The following MAP2K4 variants were observed in gnomAD, a reference collection of about 807,000 sequenced individuals.
The protein encoded by MAP2K4 is dual specificity mitogen-activated protein kinase kinase 4.
MAP2K4 carries 4 observed loss-of-function variants against 48.5 expected under a neutral mutation model. The ratio of observed to expected loss-of-function variants is 0.08; its 90% CI spans 0.04 to 0.19. The LOEUF (loss-of-function observed/expected upper bound fraction) is 0.19. Ranked by LOEUF, MAP2K4 falls within the 10% of genes least tolerant of loss-of-function variation. MAP2K4 has a pLI of 1.00. For missense variants in MAP2K4, 258 were observed against 493.3 expected, an observed-to-expected ratio of 0.52 and a Z score of 4.52; for synonymous variants, 166 against 173.1, an observed-to-expected ratio of 0.96 and a Z score of 0.32.
At chr17:12,069,952 T>C (rs1439346313) in intron 2 of MAP2K4, 5 of 101,494 alleles carry the variant, frequency 4.9e-5, no homozygotes, top group Admixed American at 1.5e-4. Flanking sequence ...TATATATATA[T>C]GCATGCTGAG....
At chr17:12,069,771 C>A in intron 2 of MAP2K4, 1 of 955,914 alleles carries the variant, frequency 1.0e-6, no homozygotes, top group Non-Finnish European at 1.4e-6. Flanking sequence ...AGCTGCATTG[C>A]AGAAGGATGC....
chr17:12,058,512 A>G lies in MAP2K4; in HGVS notation c.218+3521A>G, dbSNP rs1271288968. 2.6e-5 allele frequency among the ~76,000 whole-genome samples: 4 copies of G among 152,212 alleles called. 1 individual carries two copies. In the South Asian group the frequency reaches 6.2e-4, roughly 24 times the overall value. On this transcript the variant is annotated intron_variant, in intron 2 of 10. Transcript: ENST00000353533. ...GCATGCCTGCCTCCTACCATGTGTT[A>G]TAGGTTATAGTTTTTTCTGTTTATT...
Position 12,117,071 on chromosome 17 carries a change from G to A in MAP2K4, c.813+3711G>A, listed in dbSNP as rs188431451. Among the ~76,000 whole-genome samples, 48 of 152,206 alleles carry A rather than the reference G, an allele frequency of 3.2e-4. No individual in the cohort carries two copies. In the East Asian group the frequency reaches 3.5e-3, roughly 11 times the overall value. On this transcript the variant is annotated intron_variant, in intron 7 of 10. Coordinates refer to ENST00000353533, the MANE Select transcript of MAP2K4 (RefSeq NM_003010.4). ...TCGTTCACCAAAATGTTGTTTTGCA[G>A]CACGAGACAATTTCTGTATGTGGGT...
At chr17:12,118,392 G>A (rs1245936707) in intron 7 of MAP2K4, among the ~76,000 whole-genome samples, 1 of 152,080 alleles carries the variant, frequency 6.6e-6, no homozygotes, top group Non-Finnish European at 1.5e-5. Context: ...CATCCTTCCT[G>A]TTTTCAAGAA....
intron 3 of MAP2K4, among the ~76,000 whole-genome samples, chr17:12,092,569 A>T (rs1567655806): frequency 6.6e-6 from 1 of 152,128 alleles, no homozygotes; most frequent in Non-Finnish European, 1.5e-5. Context: ...ATTCTACTTG[A>T]GTTATTTATT....
intron 3 of MAP2K4, among the ~76,000 whole-genome samples, chr17:12,086,788 A>G (rs1421396163): frequency 2.6e-5 from 4 of 152,202 alleles, no homozygotes; most frequent in Non-Finnish European, 4.4e-5. Context: ...ACATTGGACT[A>G]AATCCCAACT....
intron 3 of MAP2K4, among the ~76,000 whole-genome samples, chr17:12,093,200 C>A (rs986310273): frequency 6.6e-6 from 1 of 152,182 alleles, no homozygotes; most frequent in Non-Finnish European, 1.5e-5. Flanking sequence ...CATTCAGCTG[C>A]TCTGTGTTCT....
At chr17:12,085,993 C>A (rs1971348385) in intron 3 of MAP2K4, among the ~76,000 whole-genome samples, 2 of 152,124 alleles carry the variant, frequency 1.3e-5, no homozygotes, top group African/African-American at 4.8e-5. Context: ...TGAGGAGGTT[C>A]ATTTTAGTGT....
intron 7 of MAP2K4, chr17:12,125,015 C>G (rs1260316649): frequency 7.7e-6 from 3 of 390,836 alleles, no homozygotes; most frequent in Non-Finnish European, 1.4e-5. Context: ...CTTCCTTTGT[C>G]TCCCTCTTCC....
At chr17:12,134,209 A>G (rs914498828) in intron 9 of MAP2K4, among the ~76,000 whole-genome samples, 1 of 152,262 alleles carries the variant, frequency 6.6e-6, no homozygotes, top group Non-Finnish European at 1.5e-5. Context: ...TGTTTCTCAC[A>G]GTTAACCTGA....
intron 2 of MAP2K4, among the ~76,000 whole-genome samples, chr17:12,063,259 A>G (rs1970508840): frequency 6.6e-6 from 1 of 152,154 alleles, no homozygotes; most frequent in South Asian, 2.1e-4. Flanking sequence ...CCTGCAAGCT[A>G]CAGTAATTAA....
chr17:12,107,935 C>A (rs2151573364), intron 5 of MAP2K4, 26 bp downstream of exon 5: 1 of 1,570,318 alleles, frequency 6.4e-7, no homozygotes, highest in South Asian at 1.2e-5. Context: ...TTAAATTATT[C>A]ATTGTGTATA....
At chr17:12,074,721 G>A (rs564852256) in intron 2 of MAP2K4, among the ~76,000 whole-genome samples, 1 of 152,170 alleles carries the variant, frequency 6.6e-6, no homozygotes, top group East Asian at 1.9e-4. Flanking sequence ...TGTGAACTTT[G>A]GCTACCTTGG....
chr17:12,036,953 G>GAGC (rs1969620484), intron 1 of MAP2K4, among the ~76,000 whole-genome samples: 1 of 151,988 alleles, frequency 6.6e-6, no homozygotes, highest in South Asian at 2.1e-4. Context: ...AAGAGTTCTG[G>GAGC]AGCTCTAAAT....
intron 1 of MAP2K4, among the ~76,000 whole-genome samples, chr17:12,036,165 A>G (rs922592893): frequency 6.6e-6 from 1 of 152,292 alleles, no homozygotes; most frequent in South Asian, 2.1e-4. Context: ...ATAAACTTCA[A>G]GTTACATTTA....
rs564995739 is a variant in MAP2K4, at chr17:12,121,304, G to GA, written c.814-3984dup. On this transcript the variant is annotated intron_variant, in intron 7 of 10. Transcript: ENST00000353533. ...TGTATATGCAAATATTCCAAAATTTGAAAAAATCCAAAATCGAAACACTCA... is the reference window on the plus strand; with the variant it reads ...TGTATATGCAAATATTCCAAAATTTGAAAAAAATCCAAAATCGAAACACTCA... Among the ~76,000 whole-genome samples, 431 of 152,098 alleles carry GA rather than the reference G, an allele frequency of 2.8e-3. 1 individual carries two copies. Among genetic ancestry groups the GA allele is most frequent in the Admixed American group, 4.6e-3 (71 of 15,294 alleles).
intron 1 of MAP2K4, among the ~76,000 whole-genome samples, chr17:12,027,576 A>G (rs1567622287): frequency 6.6e-6 from 1 of 152,200 alleles, no homozygotes; most frequent in African/African-American, 2.4e-5. Flanking sequence ...TGAGATATAT[A>G]TATGTCAGAT....
At chr17:12,088,443 A>T (rs369024750) in intron 3 of MAP2K4, among the ~76,000 whole-genome samples, 13 of 9,616 alleles carry the variant, frequency 1.4e-3, no homozygotes, top group Admixed American at 0.01. Flanking sequence ...TATTACATAT[A>T]ATATATATTA....
intron 1 of MAP2K4, among the ~76,000 whole-genome samples, chr17:12,036,059 C>T (rs1405890639): frequency 2.6e-5 from 4 of 152,148 alleles, no homozygotes; most frequent in African/African-American, 7.2e-5. Flanking sequence ...AATAAAAATT[C>T]ACTCTGCTCC....
Sources: allele counts gnomAD v4.1 joint callset (sites outside exome capture counted in the v4.1 genomes callset), GRCh38; gene constraint gnomAD v4.1.1; transcripts MANE v1.5; gene names NCBI Gene and HGNC (gene_info 2026-07-23, HGNC 2026-07-21).